The following SLX4IP variants were observed in gnomAD, a reference collection of about 807,000 sequenced individuals.
The protein encoded by SLX4IP is protein SLX4IP.
In SLX4IP, 34 loss-of-function variants were observed where a neutral mutation model predicts 32.9. That is an observed-to-expected ratio of 1.03 (90% CI 0.79 to 1.38). The LOEUF (loss-of-function observed/expected upper bound fraction) is 1.38. SLX4IP is among the 40% of genes most tolerant of loss of function. SLX4IP has a pLI of 0.00. For missense variants in SLX4IP, 444 were observed against 479.0 expected, an observed-to-expected ratio of 0.93 and a Z score of 0.68; for synonymous variants, 172 against 171.7, an observed-to-expected ratio of 1.00 and a Z score of -0.01.
chr20:10,529,415 C>T (rs545258128), intron 2 of SLX4IP, among the ~76,000 whole-genome samples: 2 of 151,684 alleles, frequency 1.3e-5, no homozygotes, highest in Admixed American at 1.3e-4. Flanking sequence ...AGGGTGAAAC[C>T]GCATCTCTAC....
chr20:10,476,289 A>G (rs2065475123), intron 2 of SLX4IP, among the ~76,000 whole-genome samples: 1 of 152,124 alleles, frequency 6.6e-6, no homozygotes, highest in Non-Finnish European at 1.5e-5. Context: ...AGAGGACCCA[A>G]CCTTCAGTAG....
chr20:10,559,236 T>C (rs1004797306), intron 3 of SLX4IP, among the ~76,000 whole-genome samples: 8 of 152,212 alleles, frequency 5.3e-5, no homozygotes, highest in African/African-American at 1.7e-4. Context: ...GCACTGCATC[T>C]TTAGGCTGCA....
rs2065540733 is a variant in SLX4IP, at chr20:10,483,240, C to T, written c.27+25009C>T. ...GTTCAAACAATTCTCGTGCCTCAGC[C>T]TCATGAGTAGGTGGGATTACAGGAG... On this transcript the variant is annotated intron_variant, in intron 2 of 7. Coordinates refer to ENST00000334534, the MANE Select transcript of SLX4IP (RefSeq NM_001009608.3). Among the ~76,000 whole-genome samples, 4 of 152,170 alleles carry T rather than the reference C, an allele frequency of 2.6e-5. No homozygotes were observed. The South Asian group carries it at 8.3e-4, about 32-fold the overall frequency.
intron 2 of SLX4IP, among the ~76,000 whole-genome samples, chr20:10,476,042 G>A (rs1289959494): frequency 2.0e-5 from 3 of 152,178 alleles, no homozygotes; most frequent in African/African-American, 7.2e-5. Flanking sequence ...GGTTCCTGGG[G>A]ATGACGATGG....
At chr20:10,618,808 C>G (rs1185409830) in intron 6 of SLX4IP, among the ~76,000 whole-genome samples, 1 of 152,152 alleles carries the variant, frequency 6.6e-6, no homozygotes, top group Admixed American at 6.5e-5. Flanking sequence ...GTTGTGCCTC[C>G]GGATAAGCCT....
intron 1 of SLX4IP, among the ~76,000 whole-genome samples, chr20:10,439,903 T>A (rs1003509684): frequency 6.6e-6 from 1 of 152,224 alleles, no homozygotes; most frequent in East Asian, 1.9e-4. Context: ...ACTTATATTT[T>A]GAGTTGATGT....
In SLX4IP at chr20:10,493,859, C is replaced by CTTTTTTTTTTTTTT. The variant is rs58299545; in HGVS notation, c.27+35637_27+35650dup. ...ACTGAAGTGTTTTTTTTATAGTTGC[C>CTTTTTTTTTTTTTT]TTTTTTTTTTTTTTTTTTTTTTGAG... is the stretch of plus-strand genomic sequence containing the variant. On this transcript the variant is annotated intron_variant, in intron 2 of 7. Transcript: ENST00000334534. Among the ~76,000 whole-genome samples, 82 of 70,540 alleles carry CTTTTTTTTTTTTTT rather than the reference C, an allele frequency of 1.2e-3. 3 individuals carry two copies. The highest frequency in any genetic ancestry group is 0.014 in the Middle Eastern group (1 of 72). The allele number at this position is 70,540 out of a possible 152,430, so 46.3% of individuals were successfully genotyped here.
chr20:10,565,835 T>C (rs2066386911), intron 4 of SLX4IP, among the ~76,000 whole-genome samples: 1 of 152,194 alleles, frequency 6.6e-6, no homozygotes, highest in South Asian at 2.1e-4. Flanking sequence ...TCAAAAGAGA[T>C]GACCCAGAGT....
chr20:10,570,831 A>G (rs2066455432), intron 4 of SLX4IP, among the ~76,000 whole-genome samples: 1 of 151,632 alleles, frequency 6.6e-6, no homozygotes, highest in Admixed American at 6.6e-5. Context: ...GCCCAGCCAC[A>G]TGCACACTTG....
chr20:10,560,106 A>G (rs1050485551), intron 3 of SLX4IP, among the ~76,000 whole-genome samples: 1 of 152,268 alleles, frequency 6.6e-6, no homozygotes, highest in Non-Finnish European at 1.5e-5. Context: ...TTGAACAAAG[A>G]TCTAGCAACA....
intron 4 of SLX4IP, among the ~76,000 whole-genome samples, chr20:10,569,708 A>G (rs2066439968): frequency 6.6e-6 from 1 of 151,998 alleles, no homozygotes; most frequent in South Asian, 2.1e-4. Context: ...CTTATCTAGA[A>G]GTCTGAGATT....
intron 2 of SLX4IP, among the ~76,000 whole-genome samples, chr20:10,488,260 C>G (rs1019880004): frequency 1.3e-5 from 2 of 152,062 alleles, no homozygotes; most frequent in African/African-American, 2.4e-5. Context: ...GACTGATGTT[C>G]CTATAGAAAG....
intron 4 of SLX4IP, among the ~76,000 whole-genome samples, chr20:10,592,581 T>C (rs1018508418): frequency 7.9e-5 from 12 of 151,502 alleles, no homozygotes; most frequent in Non-Finnish European, 1.6e-4. Context: ...CAACTTCATT[T>C]TTCCTTAATG....
intron 2 of SLX4IP, among the ~76,000 whole-genome samples, chr20:10,552,397 C>CT (rs1004600159): frequency 1.2e-4 from 18 of 145,272 alleles, no homozygotes; most frequent in South Asian, 2.2e-4. Flanking sequence ...GCTTTCTTTT[C>CT]TTTTTTTTTT....
rs550600255 is a variant in SLX4IP, at chr20:10,594,784, C to T, written c.239-3891C>T. Among the ~76,000 whole-genome samples the T allele has an allele frequency of 3.3e-5, 5 of 152,194 alleles. No homozygotes were observed. The East Asian group carries it at 9.6e-4, about 29-fold the overall frequency. ...TTTGCCTTTCTGTTTATGAAGACTG[C>T]AAATTTCTAGTAGAGCCATTTTGGA... On this transcript the variant is annotated intron_variant, in intron 4 of 7. Coordinates refer to ENST00000334534, the MANE Select transcript of SLX4IP (RefSeq NM_001009608.3).
In SLX4IP at chr20:10,476,030, T is replaced by C. The variant is rs6039967; in HGVS notation, c.27+17799T>C. Reference sequence around the variant, plus strand: ...TAATCTGACCCTTGAGAAGCTTCTCTTGGTTCCTGGGGATGACGATGGTCA... The same window carrying C: ...TAATCTGACCCTTGAGAAGCTTCTCCTGGTTCCTGGGGATGACGATGGTCA... On this transcript the variant is annotated intron_variant, in intron 2 of 7. Coordinates refer to ENST00000334534, the MANE Select transcript of SLX4IP (RefSeq NM_001009608.3). Among the ~76,000 whole-genome samples, 254 of 152,314 alleles carry C rather than the reference T, an allele frequency of 1.7e-3. 1 individual carries two copies. Among genetic ancestry groups the C allele is most frequent in the Middle Eastern group, 6.8e-3 (2 of 294 alleles).
chr20:10,526,638 T>G (rs762743692), intron 2 of SLX4IP, among the ~76,000 whole-genome samples: 1 of 151,664 alleles, frequency 6.6e-6, no homozygotes, highest in East Asian at 1.9e-4. Context: ...TTCTCTCCCC[T>G]CTCTCTCTCT....
In SLX4IP at chr20:10,624,644, A is replaced by G. The variant is rs372207384; in HGVS notation, c.*1265A>G. On this transcript the variant is annotated 3_prime_UTR_variant, in exon 8 of 8. Transcript: ENST00000334534. ...ATAAGGAAAACCAAGTATATTCCCTAAAGTGTTGAAGTTAGCAGAAAAATC... is the reference window on the plus strand; with the variant it reads ...ATAAGGAAAACCAAGTATATTCCCTGAAGTGTTGAAGTTAGCAGAAAAATC... 2 of 152,030 alleles carry G rather than the reference A, an allele frequency of 1.3e-5. No individual in the cohort carries two copies. Among genetic ancestry groups the G allele is most frequent in the Admixed American group, 6.6e-5 (1 of 15,254 alleles). 9.4% of individuals were successfully genotyped at this position (152,030 alleles called of 1,614,324 possible).
At chr20:10,451,148 A>G (rs533425048) in intron 1 of SLX4IP, among the ~76,000 whole-genome samples, 1 of 152,004 alleles carries the variant, frequency 6.6e-6, no homozygotes, top group East Asian at 1.9e-4. Flanking sequence ...TTCAGGATAC[A>G]GAAATAAGTG....
Sources: gnomAD v4.1 joint callset for allele counts (sites outside exome capture counted in the v4.1 genomes callset) on GRCh38, gnomAD v4.1.1 for gene constraint, MANE v1.5 for transcripts, NCBI Gene and HGNC (gene_info 2026-07-23, HGNC 2026-07-21) for gene names.